DENND2B: variants seen among roughly 807,000 people sequenced by gnomAD.
DENND2B encodes the protein DENN domain containing 2B.
A neutral mutation model predicts 116.0 loss-of-function variants in DENND2B; 32 were observed. The observed-to-expected ratio is 0.28, with a 90% CI of 0.21 to 0.37. DENND2B has a LOEUF of 0.37. DENND2B is among the 10% of genes least tolerant of loss of function. The pLI, the probability that DENND2B is intolerant of heterozygous loss-of-function variation, is 1.00. For missense variants in DENND2B, 1,276 were observed against 1,477.7 expected, an observed-to-expected ratio of 0.86 and a Z score of 2.24; for synonymous variants, 588 against 583.9, an observed-to-expected ratio of 1.01 and a Z score of -0.10.
rs758710658 is a variant in DENND2B, at chr11:8,702,746, G to A, written c.2572-26C>T. The A allele has an allele frequency of 1.9e-6, 3 of 1,605,922 alleles. No individual in the cohort carries two copies. In the East Asian group the frequency reaches 6.7e-5, roughly 36 times the overall value. ...CTGCAGGAGAGCGATGGGAAAGTGG[G>A]CCGGGGCCAGCCAAGTGGGTGCTGC... On this transcript the variant is annotated intron_variant, in intron 13 of 19. Coordinates refer to ENST00000313726, the MANE Select transcript of DENND2B (RefSeq NM_213618.2). The surrounding 1 kb of genome is among the most constrained non-coding windows in gnomAD (Gnocchi z 4.6).
intron 1 of DENND2B, among the ~76,000 whole-genome samples, chr11:8,898,568 C>G (rs2064129357): frequency 6.6e-6 from 1 of 152,202 alleles, no homozygotes; most frequent in Non-Finnish European, 1.5e-5. Context: ...GAGTTGCCAT[C>G]ATACATTATT....
chr11:8,835,376 T>C (rs1181084475), intron 4 of DENND2B, among the ~76,000 whole-genome samples: 1 of 152,242 alleles, frequency 6.6e-6, no homozygotes, highest in Non-Finnish European at 1.5e-5. Context: ...ATGGCACTGA[T>C]ACTTCAAACC....
intron 4 of DENND2B, among the ~76,000 whole-genome samples, chr11:8,823,717 C>CTG (rs1233748359): frequency 6.6e-6 from 1 of 152,184 alleles, no homozygotes; most frequent in East Asian, 1.9e-4. Context: ...ACATGTGGAA[C>CTG]TGTGAGTCAA....
At chr11:8,902,959 A>C (rs1218017337) in intron 1 of DENND2B, among the ~76,000 whole-genome samples, 1 of 152,114 alleles carries the variant, frequency 6.6e-6, no homozygotes, top group African/African-American at 2.4e-5. Flanking sequence ...TCCCAGGTTC[A>C]AGCAATTCTC....
intron 1 of DENND2B, among the ~76,000 whole-genome samples, chr11:8,759,931 A>G (rs999722883): frequency 2.0e-5 from 3 of 152,142 alleles, no homozygotes. Context: ...AATCAGGATG[A>G]TCCTTCTCCG....
At chr11:8,869,299 T>C (rs2063692980) in intron 2 of DENND2B, among the ~76,000 whole-genome samples, 1 of 152,244 alleles carries the variant, frequency 6.6e-6, no homozygotes, top group Non-Finnish European at 1.5e-5. Context: ...AATTAGGGGA[T>C]AACATTTCCC....
At chr11:8,762,420 C>T (rs937801755) in intron 1 of DENND2B, among the ~76,000 whole-genome samples, 1 of 152,222 alleles carries the variant, frequency 6.6e-6, no homozygotes, top group Non-Finnish European at 1.5e-5. Flanking sequence ...CTCTAGTTAC[C>T]TCTGGCCTTC....
chr11:8,854,365 CT>C (rs1003603240), intron 3 of DENND2B, among the ~76,000 whole-genome samples: 1 of 151,894 alleles, frequency 6.6e-6, no homozygotes, highest in African/African-American at 2.4e-5. Flanking sequence ...CCACGACCAG[CT>C]AATTTTTGTA....
chr11:8,726,119 A>C lies in DENND2B; in HGVS notation c.1431T>G (p.Phe477Leu). 6.2e-7 allele frequency: 1 copy of C among 1,614,110 alleles called. No individual in the cohort carries two copies. The highest frequency in any genetic ancestry group is 8.5e-7 in the Non-Finnish European group (1 of 1,179,994). The part of the protein sequence containing the change: ...TENGTENQPK[F>L]GSKSTLEENA... ...TTTCTTCTAAAGTGCTTTTGGATCC[A>C]AACTTGGGTTGGTTCTCAGTACCAT... Residue 477 changes from phenylalanine (F) to leucine (L), a missense_variant, in exon 4 of 20, where the codon TTT (phenylalanine) becomes TTG (leucine). By Grantham distance (22) the Phe-to-Leu change is conservative. Coordinates refer to ENST00000313726, the MANE Select transcript of DENND2B (RefSeq NM_213618.2).
intron 1 of DENND2B, among the ~76,000 whole-genome samples, chr11:8,758,231 G>C (rs543570129): frequency 9.2e-5 from 14 of 152,238 alleles, no homozygotes; most frequent in African/African-American, 3.4e-4. Flanking sequence ...CCAAGAATCT[G>C]CCTAGCTATG....
chr11:8,887,495 T>A (rs1457320639), intron 1 of DENND2B, among the ~76,000 whole-genome samples: 1 of 152,150 alleles, frequency 6.6e-6, no homozygotes, highest in African/African-American at 2.4e-5. Context: ...TTTACTTAAC[T>A]GCAAAAAGGA....
intron 4 of DENND2B, among the ~76,000 whole-genome samples, chr11:8,817,840 C>CCA (rs1479122530): frequency 6.6e-6 from 1 of 152,156 alleles, no homozygotes. Flanking sequence ...AGGCCCCTGA[C>CCA]CACTGTCCCT....
chr11:8,718,420 C>T, intron 4 of DENND2B: 4 of 1,528,176 alleles, frequency 2.6e-6, no homozygotes, highest in Non-Finnish European at 3.5e-6. Context: ...GCCAGGCCCC[C>T]TTCTCACCTA....
chr11:8,853,418 C>T (rs1297214446), intron 3 of DENND2B, among the ~76,000 whole-genome samples: 2 of 152,112 alleles, frequency 1.3e-5, no homozygotes, highest in African/African-American at 2.4e-5. Flanking sequence ...TGTTAGCCTC[C>T]GCTGCCAAGT....
At chr11:8,762,618 TG>T (rs2054878614) in intron 1 of DENND2B, among the ~76,000 whole-genome samples, 1 of 152,210 alleles carries the variant, frequency 6.6e-6, no homozygotes, top group South Asian at 2.1e-4. Flanking sequence ...CCCAGCACTT[TG>T]GGAGGCCGAG....
chr11:8,694,472 G>T (rs1453444465), intron 19 of DENND2B: 4 of 463,376 alleles, frequency 8.6e-6, no homozygotes, highest in African/African-American at 7.9e-5. Flanking sequence ...CTGCAGACCT[G>T]TTATGGTCTA....
intron 1 of DENND2B, among the ~76,000 whole-genome samples, chr11:8,890,378 C>A (rs1161509119): frequency 2.0e-5 from 3 of 152,182 alleles, no homozygotes; most frequent in African/African-American, 7.2e-5. Flanking sequence ...AGCAACAGAA[C>A]AAGCTGGATG....
At chr11:8,838,820 C>T (rs1454161492) in intron 4 of DENND2B, among the ~76,000 whole-genome samples, 2 of 151,944 alleles carry the variant, frequency 1.3e-5, no homozygotes, top group Non-Finnish European at 2.9e-5. Flanking sequence ...GACCTTGGGG[C>T]GGGAAAGGAA....
At chr11:8,749,443 G>A (rs144170524) in intron 2 of DENND2B, among the ~76,000 whole-genome samples, 38 of 152,314 alleles carry the variant, frequency 2.5e-4, no homozygotes, top group African/African-American at 2.2e-4. Context: ...AGGATCTTAC[G>A]TACTTAACAA....
Sources: gnomAD v4.1 joint callset for allele counts (sites outside exome capture counted in the v4.1 genomes callset) on GRCh38, gnomAD v4.1.1 for gene constraint, Gnocchi (gnomAD v3.1) non-coding constraint, MANE v1.5 for transcripts, NCBI Gene and HGNC (gene_info 2026-07-23, HGNC 2026-07-21) for gene names.